Variants in MPC2 observed in about 807,000 individuals in gnomAD.
The protein encoded by MPC2 is brain protein 44.
MPC2 carries 19 observed loss-of-function variants against 19.2 expected under a neutral mutation model. The observed-to-expected ratio is 0.99, with a 90% CI of 0.69 to 1.45. The LOEUF is 1.45. Ranked by LOEUF, MPC2 falls within the 40% of genes most tolerant of loss-of-function variation. The pLI is 0.00. For synonymous variants in MPC2, 61 were observed against 54.3 expected (o/e 1.12, Z -0.54); for missense variants, 122 against 153.0 (o/e 0.80, Z 1.07).
chr1:167,935,893 C>A lies in MPC2; in HGVS notation c.-52G>T. 2 of 1,386,642 alleles carry A rather than the reference C, an allele frequency of 1.4e-6. No individual in the cohort carries two copies. The highest frequency in any genetic ancestry group is 2.5e-5 in the East Asian group (1 of 40,084). 85.9% of individuals were successfully genotyped at this position (1,386,642 alleles called of 1,614,324 possible). A position where few individuals can be genotyped will look rare whatever the true frequency, so the allele number is the denominator to read the frequency against. ...GGTGGGAGCGTGGCTGTGTTCTCGT[C>A]CCTGGCTGACAACGAAGGGGAGCTA... On this transcript the variant is annotated 5_prime_UTR_variant, in exon 2 of 6. Transcript: ENST00000271373.
intron 1 of MPC2, chr1:167,936,547 A>G (rs203787): frequency 3.8e-4 from 105 of 274,540 alleles, no homozygotes; most frequent in African/African-American, 2.2e-3. Context: ...CTCAGTCCCC[A>G]GGGTGGTCGT....
chr1:167,926,385 C>G (rs1412994591), intron 2 of MPC2, among the ~76,000 whole-genome samples: 1 of 152,182 alleles, frequency 6.6e-6, no homozygotes, highest in Non-Finnish European at 1.5e-5. Context: ...CTAGCCACAT[C>G]TTTTTCTCTC....
chr1:167,935,212 G>A lies in MPC2; in HGVS notation c.109+521C>T, dbSNP rs372142933. ...AAAAAACACACTGGACCTATGGGAT[G>A]AGAAATGACACTGACTCAAGCCTGG... On this transcript the variant is annotated intron_variant, in intron 2 of 5. Coordinates refer to ENST00000271373, the MANE Select transcript of MPC2 (RefSeq NM_001143674.4). Among the ~76,000 whole-genome samples the A allele has an allele frequency of 7.7e-4, 118 of 152,308 alleles. 1 individual carries two copies. In the South Asian group the frequency reaches 0.023, roughly 29 times the overall value.
intron 2 of MPC2, among the ~76,000 whole-genome samples, chr1:167,929,362 A>G (rs1454148122): frequency 6.6e-6 from 1 of 152,118 alleles, no homozygotes; most frequent in Non-Finnish European, 1.5e-5. Context: ...TCCGTCTCGA[A>G]AAAAGAAAAA....
intron 4 of MPC2, among the ~76,000 whole-genome samples, 184 bp downstream of exon 4, chr1:167,920,363 T>C (rs1361819641): frequency 6.6e-6 from 1 of 152,206 alleles, no homozygotes; most frequent in Non-Finnish European, 1.5e-5. Context: ...CAAAAGCCCA[T>C]TCAGATACTT....
chr1:167,929,417 A>C (rs1010639406), intron 2 of MPC2, among the ~76,000 whole-genome samples: 1 of 152,218 alleles, frequency 6.6e-6, no homozygotes, highest in African/African-American at 2.4e-5. Context: ...TCAAGAATGA[A>C]AAATACTGAC....
At chr1:167,932,380 A>G (rs1670935188) in intron 2 of MPC2, among the ~76,000 whole-genome samples, 1 of 152,238 alleles carries the variant, frequency 6.6e-6, no homozygotes, top group Non-Finnish European at 1.5e-5. Context: ...TGGAAGTTCT[A>G]TAATTTTCTT....
chr1:167,919,690 TA>T (rs1670551902), intron 5 of MPC2, among the ~76,000 whole-genome samples: 1 of 152,222 alleles, frequency 6.6e-6, no homozygotes, highest in Non-Finnish European at 1.5e-5. Context: ...GTTAACCATC[TA>T]AATGATGCAC....
intron 3 of MPC2, among the ~76,000 whole-genome samples, chr1:167,922,654 T>C (rs762462995): frequency 1.2e-4 from 19 of 152,090 alleles, no homozygotes; most frequent in Non-Finnish European, 2.6e-4. Flanking sequence ...ATGACTTATA[T>C]TCTAATCTTG....
In MPC2 at chr1:167,935,973, C is replaced by T. The variant is rs906267243; in HGVS notation, c.-57-75G>A. 4 of 697,568 alleles carry T rather than the reference C, an allele frequency of 5.7e-6. No individual in the cohort carries two copies. The African/African-American group carries it at 7.1e-5, about 12-fold the overall frequency. The allele number at this position is 697,568 out of a possible 1,614,324, so 43.2% of individuals were successfully genotyped here. On this transcript the variant is annotated intron_variant, in intron 1 of 5. Transcript: ENST00000271373. ...CCGCCTCTCGCCTGGAGTACCCTTC[C>T]CGCGGCTTTCCCTGCCCGCTGTGAA...
intron 5 of MPC2, among the ~76,000 whole-genome samples, chr1:167,918,848 C>G (rs1247178102): frequency 3.3e-5 from 5 of 152,062 alleles, no homozygotes; most frequent in Admixed American, 2.6e-4. Flanking sequence ...CTGCCTCGGC[C>G]TCCCAAAGTG....
At chr1:167,934,401 C>T (rs1671001423) in intron 2 of MPC2, among the ~76,000 whole-genome samples, 1 of 152,170 alleles carries the variant, frequency 6.6e-6, no homozygotes, top group Non-Finnish European at 1.5e-5. Context: ...CTCAACCCTC[C>T]TTCCCGAAAA....
intron 4 of MPC2, 98 bp from the exon 5 acceptor site, chr1:167,920,188 G>A: frequency 1.3e-6 from 1 of 757,652 alleles, no homozygotes; most frequent in Non-Finnish European, 2.2e-6. Context: ...CAATAATGTA[G>A]GATGAGGGAC....
In MPC2 at chr1:167,922,576, C is replaced by T. The variant is rs374353925; in HGVS notation, c.150+1921G>A. Among the ~76,000 whole-genome samples the T allele has an allele frequency of 7.9e-4, 120 of 151,836 alleles. 1 individual carries two copies. The South Asian group carries it at 0.023, about 29-fold the overall frequency. ...CCATTAGTATAGGGGGTTTTAGGAT[C>T]TTTTCTCAATATGTAGATATGAAAA... On this transcript the variant is annotated intron_variant, in intron 3 of 5. Coordinates refer to ENST00000271373, the MANE Select transcript of MPC2 (RefSeq NM_001143674.4).
At chr1:167,919,429 T>TC (rs1467144766) in intron 5 of MPC2, among the ~76,000 whole-genome samples, 1 of 152,234 alleles carries the variant, frequency 6.6e-6, no homozygotes, top group African/African-American at 2.4e-5. Flanking sequence ...AAATATTTGA[T>TC]CATAATGTCA....
chr1:167,920,427 T>C (rs1366973698), intron 4 of MPC2, 120 bp downstream of exon 4: 8 of 1,008,984 alleles, frequency 7.9e-6, no homozygotes, highest in African/African-American at 1.6e-5. Context: ...GACATAATAC[T>C]GTTAATTCCT....
chr1:167,934,072 C>A (rs1670989839), intron 2 of MPC2, among the ~76,000 whole-genome samples: 1 of 152,146 alleles, frequency 6.6e-6, no homozygotes, highest in South Asian at 2.1e-4. Flanking sequence ...TTTTACTACA[C>A]TGAAAAAGGG....
At chr1:167,933,044 G>T (rs561803488) in intron 2 of MPC2, among the ~76,000 whole-genome samples, 1 of 151,974 alleles carries the variant, frequency 6.6e-6, no homozygotes, top group Admixed American at 6.5e-5. Flanking sequence ...CTCTACAGTG[G>T]CAGATCATGA....
rs779246326 is a variant in MPC2 at position 167,920,644 on chromosome 1, G to A, written c.151-13C>T. ...CACACACCAACCCCTACACATTAAC[G>A]CATAGAAAGAAAAAAAGTATCACAA... On this transcript the variant is annotated splice_polypyrimidine_tract_variant and intron_variant, in intron 3 of 5. Coordinates refer to ENST00000271373, the MANE Select transcript of MPC2 (RefSeq NM_001143674.4). The A allele has an allele frequency of 1.0e-5, 16 of 1,602,014 alleles. No individual in the cohort carries two copies. Among genetic ancestry groups the A allele is most frequent in the African/African-American group, 2.7e-5 (2 of 74,356 alleles).
Sources: gnomAD v4.1 joint callset for allele counts (sites outside exome capture counted in the v4.1 genomes callset) on GRCh38, gnomAD v4.1.1 for gene constraint, MANE v1.5 for transcripts, NCBI Gene and HGNC (gene_info 2026-07-23, HGNC 2026-07-21) for gene names.